Variants in GMPS observed in about 807,000 individuals in gnomAD.
GMPS encodes the protein guanosine monophosphate synthase, also known as GMP synthase [glutamine-hydrolyzing].
Under a neutral mutation model 77.9 loss-of-function variants are expected in GMPS, and 15 were observed. The ratio of observed to expected loss-of-function variants is 0.19; its 90% CI spans 0.13 to 0.30. The LOEUF (loss-of-function observed/expected upper bound fraction) is 0.30. GMPS is among the 10% of genes least tolerant of loss of function. The pLI is 1.00. For synonymous variants in GMPS, 224 were observed against 275.9 expected, an observed-to-expected ratio of 0.81 and a Z score of 1.86; for missense variants, 590 against 838.8, an observed-to-expected ratio of 0.70 and a Z score of 3.66.
intron 12 of GMPS, among the ~76,000 whole-genome samples, chr3:155,928,806 G>A (rs1358026183): frequency 6.7e-6 from 1 of 149,748 alleles, no homozygotes; most frequent in African/African-American, 2.5e-5. Flanking sequence ...TTGTTCTTGC[G>A]ATAGTTTACT....
At chr3:155,914,931 G>C (rs1755135788) in intron 8 of GMPS, among the ~76,000 whole-genome samples, 1 of 151,806 alleles carries the variant, frequency 6.6e-6, no homozygotes, top group Non-Finnish European at 1.5e-5. Context: ...ATCATGCCCA[G>C]CTAATTTTTG....
Position 155,879,730 on chromosome 3 carries a change from C to CTTTTTTTT in GMPS, c.27+8844_27+8851dup, listed in dbSNP as rs58045835. Among the ~76,000 whole-genome samples, 114 of 107,630 alleles carry CTTTTTTTT rather than the reference C, an allele frequency of 1.1e-3. 2 individuals carry two copies. Among genetic ancestry groups the CTTTTTTTT allele is most frequent in the East Asian group, 4.8e-3 (17 of 3,540 alleles). 70.6% of individuals were successfully genotyped at this position (107,630 alleles called of 152,430 possible). A position where few individuals can be genotyped will look rare whatever the true frequency, so the allele number is the denominator to read the frequency against. ...AATGTCTGTTCAGGTCTTTTTTGCC[C>CTTTTTTTT]TTTTTTTTTTTTTTTTTTGAGGCGG... is the stretch of plus-strand genomic sequence containing the variant. On this transcript the variant is annotated intron_variant, in intron 1 of 15. Coordinates refer to ENST00000496455, the MANE Select transcript of GMPS (RefSeq NM_003875.3).
chr3:155,889,906 T>C (rs991652042), intron 1 of GMPS, among the ~76,000 whole-genome samples: 3 of 152,358 alleles, frequency 2.0e-5, no homozygotes, highest in Non-Finnish European at 2.9e-5. Context: ...TAAATAGATA[T>C]GGTAGATTTT....
Position 155,916,335 on chromosome 3 carries a change from C to A in GMPS, c.1212+143C>A, listed in dbSNP as rs376305586. 30 of 613,638 alleles carry A rather than the reference C, an allele frequency of 4.9e-5. No individual in the cohort carries two copies. The South Asian group carries it at 5.6e-4, about 11-fold the overall frequency. 38.0% of individuals were successfully genotyped at this position (613,638 alleles called of 1,614,324 possible). ...ACATTTTCCTTACCCTAAAAAGGAA[C>A]CTTATACCCATTAGCAGTCACTCCT... On this transcript the variant is annotated intron_variant, in intron 9 of 15. Coordinates refer to ENST00000496455, the MANE Select transcript of GMPS (RefSeq NM_003875.3).
rs552421360 is a variant in GMPS at position 155,936,127 on chromosome 3, A to G, written c.1808-211A>G. Among the ~76,000 whole-genome samples the G allele has an allele frequency of 7.9e-5, 12 of 152,348 alleles. No homozygotes were observed. The South Asian group carries it at 1.9e-3, about 24-fold the overall frequency. On this transcript the variant is annotated intron_variant, in intron 14 of 15. Transcript: ENST00000496455. Reference sequence around the variant, plus strand: ...TCTGTTTACAGCACATCAGTGAAACATCACTGATGTGATCAAATTCTGTTT... The same window carrying G: ...TCTGTTTACAGCACATCAGTGAAACGTCACTGATGTGATCAAATTCTGTTT...
chr3:155,886,969 CAA>C (rs368657109), intron 1 of GMPS, among the ~76,000 whole-genome samples: 2 of 152,194 alleles, frequency 1.3e-5, no homozygotes, highest in African/African-American at 4.8e-5. Flanking sequence ...ATAATATTAA[CAA>C]TGGCAATGAT....
chr3:155,920,576 AAAAAAAAAAAAAAG>A (rs1159009581), intron 10 of GMPS, among the ~76,000 whole-genome samples: 5 of 133,110 alleles, frequency 3.8e-5, no homozygotes, highest in East Asian at 5.9e-4. Flanking sequence ...CTCCATCTTA[AAAAAAAAAAAAAAG>A]AAAAAAAAAA....
At chr3:155,913,660 G>A (rs1755095492) in intron 7 of GMPS, among the ~76,000 whole-genome samples, 1 of 151,614 alleles carries the variant, frequency 6.6e-6, no homozygotes, top group Non-Finnish European at 1.5e-5. Flanking sequence ...AGCTGGGATT[G>A]CAGACATGTG....
At chr3:155,884,948 A>T (rs1229454855) in intron 1 of GMPS, among the ~76,000 whole-genome samples, 1 of 152,198 alleles carries the variant, frequency 6.6e-6, no homozygotes. Context: ...CCCCTTGTAG[A>T]TAGGGTAGAA....
intron 2 of GMPS, among the ~76,000 whole-genome samples, chr3:155,896,287 G>T (rs1754600880): frequency 6.6e-6 from 1 of 152,192 alleles, no homozygotes; most frequent in African/African-American, 2.4e-5. Context: ...GGGATTACAG[G>T]TGTGAGCCAC....
chr3:155,908,001 C>A (rs1754934972), intron 5 of GMPS, among the ~76,000 whole-genome samples: 1 of 151,934 alleles, frequency 6.6e-6, no homozygotes, highest in Admixed American at 6.6e-5. Flanking sequence ...ACCTTTGGGC[C>A]ACTGCAATAC....
At chr3:155,904,854 G>T (rs571845890) in intron 4 of GMPS, among the ~76,000 whole-genome samples, 3 of 152,070 alleles carry the variant, frequency 2.0e-5, no homozygotes, top group Admixed American at 6.5e-5. Flanking sequence ...TGTCTTTCTA[G>T]TTCTAAAATT....
At chr3:155,908,469 C>T (rs747168195) in intron 5 of GMPS, among the ~76,000 whole-genome samples, 1 of 152,190 alleles carries the variant, frequency 6.6e-6, no homozygotes, top group Non-Finnish European at 1.5e-5. Context: ...TTTTCCTGGT[C>T]ATGTGAAAAG....
chr3:155,919,752 T>C (rs1465484835), intron 10 of GMPS, among the ~76,000 whole-genome samples: 1 of 152,264 alleles, frequency 6.6e-6, no homozygotes, highest in Non-Finnish European at 1.5e-5. Context: ...TTGTCCTATG[T>C]CTGACTTGTT....
At chr3:155,894,768 T>C (rs955757709) in intron 2 of GMPS, among the ~76,000 whole-genome samples, 3 of 152,228 alleles carry the variant, frequency 2.0e-5, no homozygotes, top group Non-Finnish European at 2.9e-5. Flanking sequence ...CTGTGTTTTG[T>C]TGGTTCTGAA....
chr3:155,900,291 A>G (rs1754704800), intron 3 of GMPS, among the ~76,000 whole-genome samples: 1 of 152,012 alleles, frequency 6.6e-6, no homozygotes, highest in Non-Finnish European at 1.5e-5. Context: ...TGACTTGGCA[A>G]AAAGAAAGAT....
chr3:155,878,821 G>A (rs1188367946), intron 1 of GMPS, among the ~76,000 whole-genome samples: 1 of 152,016 alleles, frequency 6.6e-6, no homozygotes, highest in East Asian at 1.9e-4. Flanking sequence ...CTTAGTGTAA[G>A]TCCAAAGACC....
chr3:155,899,622 A>G (rs182358834), intron 3 of GMPS, among the ~76,000 whole-genome samples: 1 of 152,244 alleles, frequency 6.6e-6, no homozygotes. Context: ...TTATTCCCAA[A>G]GTCCTTAGTT....
intron 3 of GMPS, among the ~76,000 whole-genome samples, chr3:155,899,499 A>G (rs1754683151): frequency 1.3e-5 from 2 of 151,252 alleles, no homozygotes; most frequent in African/African-American, 4.9e-5. Flanking sequence ...AAGAAGGTAT[A>G]GAAATATCTT....
Sources: gnomAD v4.1 joint callset for allele counts (sites outside exome capture counted in the v4.1 genomes callset) on GRCh38, gnomAD v4.1.1 for gene constraint, MANE v1.5 for transcripts, NCBI Gene and HGNC (gene_info 2026-07-23, HGNC 2026-07-21) for gene names.